DCLK1: variants seen among roughly 807,000 people sequenced by gnomAD.
DCLK1 encodes the protein doublecortin like kinase 1.
A neutral mutation model predicts 86.2 loss-of-function variants in DCLK1; 16 were observed. That is an observed-to-expected ratio of 0.19 (90% CI 0.13 to 0.28). DCLK1 has a LOEUF of 0.28. DCLK1 is among the 10% of genes least tolerant of loss of function. DCLK1 has a pLI of 1.00. For missense variants in DCLK1, 590 were observed against 940.2 expected (o/e 0.63, Z 4.87); for synonymous variants, 369 against 370.5 (o/e 1.00, Z 0.05).
chr13:35,900,836 A>G (rs1874309658), intron 4 of DCLK1, among the ~76,000 whole-genome samples: 1 of 152,218 alleles, frequency 6.6e-6, no homozygotes, highest in Non-Finnish European at 1.5e-5. Flanking sequence ...GCCGGATTAT[A>G]GAATGTGGAA....
At chr13:35,831,739 C>A (rs867125619) in intron 8 of DCLK1, among the ~76,000 whole-genome samples, 29 of 152,164 alleles carry the variant, frequency 1.9e-4, no homozygotes, top group African/African-American at 7.0e-4. Flanking sequence ...CCAGCAGCAA[C>A]AGAAAACTTT....
rs1555359550 is a variant in DCLK1 at position 36,056,926 on chromosome 13, T to TAC, written c.723+54941_723+54942dup. 9.6e-5 allele frequency among the ~76,000 whole-genome samples: 14 copies of TAC among 145,494 alleles called. 1 individual carries two copies. The highest frequency in any genetic ancestry group is 3.6e-3 in the Middle Eastern group (1 of 280). On this transcript the variant is annotated intron_variant, in intron 3 of 16. Coordinates refer to ENST00000360631, the MANE Select transcript of DCLK1 (RefSeq NM_001330071.2). ...AAAAAAATATATATATATATATATA[T>TAC]ACACACACACACATATATATTCTCC...
intron 4 of DCLK1, among the ~76,000 whole-genome samples, chr13:35,885,423 A>T (rs1873170363): frequency 6.6e-6 from 1 of 152,252 alleles, no homozygotes; most frequent in African/African-American, 2.4e-5. Context: ...GGAACAAAAC[A>T]TTCAGATTGT....
chr13:35,992,617 C>T (rs1027996984), intron 3 of DCLK1, among the ~76,000 whole-genome samples: 4 of 152,072 alleles, frequency 2.6e-5, no homozygotes, highest in African/African-American at 9.7e-5. Flanking sequence ...TTCCTTCTAT[C>T]AATGACCACA....
At chr13:35,793,127 T>C (rs1201588848) in intron 16 of DCLK1, among the ~76,000 whole-genome samples, 1 of 152,142 alleles carries the variant, frequency 6.6e-6, no homozygotes, top group Non-Finnish European at 1.5e-5. Context: ...AATCATAAAA[T>C]TAATATATAC....
chr13:36,096,896 T>C (rs73165303), intron 3 of DCLK1, among the ~76,000 whole-genome samples: 24,977 of 152,146 alleles, frequency 0.16, 2,277 homozygotes, highest in Non-Finnish European at 0.21. Context: ...TTCTCCTGGA[T>C]ACCTAAGTCT....
In DCLK1 at chr13:35,795,092, C is replaced by A. The variant is rs113662260; in HGVS notation, c.1945-1613G>T. ...GGCTGGATGGCTCAGCTAGATTCAC[C>A]AAAGAAGTTCAGAGGAGAAAGGGCA... On this transcript the variant is annotated intron_variant, in intron 15 of 16. Transcript: ENST00000360631. 6.9e-3 allele frequency among the ~76,000 whole-genome samples: 1,055 copies of A among 152,264 alleles called. 7 individuals are homozygous for A. Among genetic ancestry groups the A allele is most frequent in the African/African-American group, 0.024 (977 of 41,558 alleles).
intron 5 of DCLK1, chr13:35,855,882 C>A (rs1871025673): frequency 1.8e-6 from 2 of 1,102,972 alleles, no homozygotes; most frequent in Non-Finnish European, 2.2e-6. Flanking sequence ...GCAAGAGATC[C>A]AGTGACTCAT....
chr13:35,957,986 A>G, intron 3 of DCLK1, among the ~76,000 whole-genome samples: 1 of 150,454 alleles, frequency 6.6e-6, no homozygotes, highest in Non-Finnish European at 1.5e-5. Flanking sequence ...TGCTATAACC[A>G]CCACCACCAC....
At chr13:36,103,404 T>TAAAAAAAA (rs71084406) in intron 3 of DCLK1, among the ~76,000 whole-genome samples, 2 of 109,082 alleles carry the variant, frequency 1.8e-5, no homozygotes, top group African/African-American at 3.5e-5. Flanking sequence ...ACACCTGTCT[T>TAAAAAAAA]AAAAAAAAAA....
intron 5 of DCLK1, 75 bp from the exon 6 acceptor site, chr13:35,854,668 G>A (rs894061393): frequency 7.5e-7 from 1 of 1,332,698 alleles, no homozygotes; most frequent in South Asian, 1.5e-5. Flanking sequence ...TCTTCTGCAA[G>A]AAATAAACAA....
At chr13:35,971,301 C>T (rs1261878804) in intron 3 of DCLK1, among the ~76,000 whole-genome samples, 1 of 152,164 alleles carries the variant, frequency 6.6e-6, no homozygotes, top group African/African-American at 2.4e-5. Context: ...ATTAAAAGGG[C>T]TTTCTCTGGA....
intron 3 of DCLK1, among the ~76,000 whole-genome samples, chr13:36,085,583 G>A (rs1222420358): frequency 6.6e-6 from 1 of 152,150 alleles, no homozygotes; most frequent in East Asian, 1.9e-4. Context: ...CATGTTTGCA[G>A]TAATTTTCCC....
At chr13:35,854,616 A>G in intron 5 of DCLK1, 23 bp from the exon 6 acceptor site, 1 of 1,540,626 alleles carries the variant, frequency 6.5e-7, no homozygotes, top group Non-Finnish European at 8.8e-7. Context: ...AGAATCACAC[A>G]CAGAGAAAAA....
intron 5 of DCLK1, among the ~76,000 whole-genome samples, chr13:35,857,499 C>T (rs1871131609): frequency 6.6e-6 from 1 of 152,190 alleles, no homozygotes; most frequent in East Asian, 1.9e-4. Context: ...GCAAGCAGCC[C>T]ACCCTGAACT....
At chr13:36,008,214 TATTA>T (rs1324820312) in intron 3 of DCLK1, among the ~76,000 whole-genome samples, 376 of 11,464 alleles carry the variant, frequency 0.033, 3 homozygotes, top group African/African-American at 0.069. Flanking sequence ...TTATTATTAT[TATTA>T]TTATTATTAT....
intron 3 of DCLK1, among the ~76,000 whole-genome samples, chr13:36,081,398 GA>G (rs1482960136): frequency 1.3e-5 from 2 of 149,254 alleles, no homozygotes; most frequent in African/African-American, 2.5e-5. Context: ...TAATGAAGCA[GA>G]AAAAAAAATT....
intron 6 of DCLK1, among the ~76,000 whole-genome samples, chr13:35,852,270 G>A (rs576576196): frequency 6.6e-6 from 1 of 152,244 alleles, no homozygotes; most frequent in South Asian, 2.1e-4. Context: ...GATCTTCTAG[G>A]CCCATTTTAA....
At chr13:35,816,652 C>T (rs1228973011) in intron 11 of DCLK1, among the ~76,000 whole-genome samples, 1 of 152,158 alleles carries the variant, frequency 6.6e-6, no homozygotes, top group African/African-American at 2.4e-5. Flanking sequence ...CCCAGTGTTA[C>T]ACAGCAAATA....
Sources: allele counts gnomAD v4.1 joint callset (sites outside exome capture counted in the v4.1 genomes callset), GRCh38; gene constraint gnomAD v4.1.1; transcripts MANE v1.5; gene names NCBI Gene and HGNC (gene_info 2026-07-23, HGNC 2026-07-21).